Variants in PLA2R1 observed in about 807,000 individuals in gnomAD.
PLA2R1 encodes secretory phospholipase A2 receptor.
In PLA2R1, 158 loss-of-function variants were observed where a neutral mutation model predicts 195.9. That is an observed-to-expected ratio of 0.81 (90% CI 0.71 to 0.92). The LOEUF (loss-of-function observed/expected upper bound fraction) is 0.92, where lower values mean the gene tolerates loss of function less well. Among genes scored for constraint, PLA2R1 ranks in the 40% least tolerant of loss-of-function variants. The pLI is 0.00. For synonymous variants in PLA2R1, 586 were observed against 598.2 expected, an observed-to-expected ratio of 0.98 and a Z score of 0.30; for missense variants, 1,626 against 1,764.6, an observed-to-expected ratio of 0.92 and a Z score of 1.41.
rs1407074499 is a variant in PLA2R1 at position 160,020,186 on chromosome 2, C to G, written c.1372G>C (p.Val458Leu). The change falls in exon 8 of 30, where the codon GTC becomes CTC. Residue 458 changes from valine to leucine, a missense_variant. Coordinates refer to ENST00000283243, the MANE Select transcript of PLA2R1 (RefSeq NM_007366.5). ...AGTGTGTGCCAATTAGTAAAGATGACTGAAGAGTCATTAGACCATTCAAAG... is the reference window on the plus strand; with the variant it reads ...AGTGTGTGCCAATTAGTAAAGATGAGTGAAGAGTCATTAGACCATTCAAAG... ...VSFEWSNDSSVIFTNWHTLEP... is the reference protein window; with the variant it reads ...VSFEWSNDSSLIFTNWHTLEP... The G allele has an allele frequency of 1.2e-6, 2 of 1,612,066 alleles. No homozygotes were observed. Among genetic ancestry groups the G allele is most frequent in the Admixed American group, 1.7e-5 (1 of 60,012 alleles).
intron 11 of PLA2R1, among the ~76,000 whole-genome samples, chr2:159,991,353 T>A (rs1690775356): frequency 6.6e-6 from 1 of 152,142 alleles, no homozygotes; most frequent in African/African-American, 2.4e-5. Context: ...TGGTGGCTCA[T>A]TTCAGAGCTC....
intron 2 of PLA2R1, among the ~76,000 whole-genome samples, chr2:160,043,060 G>T (rs553427225): frequency 1.2e-3 from 182 of 148,056 alleles, no homozygotes; most frequent in Non-Finnish European, 2.1e-3. Context: ...AAGTGAGGGG[G>T]TGAATGAAGA....
At position 160,062,350 on chromosome 2, in the gene PLA2R1, G is replaced by A. The variant is rs1165540308; in HGVS notation, c.54C>T (p.Gly18=). ...LLLLLLGAPR[G]CAEGVAAALT... ...GCGCCGCCGCCACACCCTCGGCGCA[G>A]CCCCGCGGCGCCCCCAGCAGCAGCA... Residue 18 remains glycine (G), a synonymous_variant, in exon 1 of 30, where the codon GGC becomes GGT. Coordinates refer to ENST00000283243, the MANE Select transcript of PLA2R1 (RefSeq NM_007366.5). The A allele has an allele frequency of 6.5e-7, 1 of 1,536,344 alleles. No individual in the cohort carries two copies. The highest frequency in any genetic ancestry group is 8.8e-7 in the Non-Finnish European group (1 of 1,141,110).
At position 160,046,626 on chromosome 2, in the gene PLA2R1, C is replaced by T. The variant is rs1297997815; in HGVS notation, c.110-1469G>A. Among the ~76,000 whole-genome samples the T allele has an allele frequency of 5.3e-5, 8 of 152,042 alleles. No homozygotes were observed. The East Asian group carries it at 1.5e-3, about 29-fold the overall frequency. ...CAATGTATTAATAAATGGTATACCTCATCTAATAGTTGATGACCTTACCTA... is the reference window on the plus strand; with the variant it reads ...CAATGTATTAATAAATGGTATACCTTATCTAATAGTTGATGACCTTACCTA... On this transcript the variant is annotated intron_variant, in intron 1 of 29. Coordinates refer to ENST00000283243, the MANE Select transcript of PLA2R1 (RefSeq NM_007366.5).
chr2:160,008,893 T>A (rs184033792), intron 10 of PLA2R1, among the ~76,000 whole-genome samples: 1 of 152,284 alleles, frequency 6.6e-6, no homozygotes, highest in Non-Finnish European at 1.5e-5. Context: ...ACAAAGGACT[T>A]GAATAGACAT....
chr2:160,059,976 G>T (rs1020903805), intron 1 of PLA2R1, among the ~76,000 whole-genome samples: 7 of 152,128 alleles, frequency 4.6e-5, no homozygotes, highest in Admixed American at 2.0e-4. Flanking sequence ...ATTTGGGTGG[G>T]GGCATAGCCA....
intron 1 of PLA2R1, among the ~76,000 whole-genome samples, chr2:160,047,685 T>A (rs979195001): frequency 6.6e-6 from 1 of 152,216 alleles, no homozygotes; most frequent in African/African-American, 2.4e-5. Flanking sequence ...TACCCACCTG[T>A]AAAGTCTACA....
intron 11 of PLA2R1, among the ~76,000 whole-genome samples, chr2:159,987,781 T>C (rs1418019093): frequency 6.6e-6 from 1 of 152,154 alleles, no homozygotes; most frequent in Non-Finnish European, 1.5e-5. Flanking sequence ...GAATAACAGA[T>C]TCAAGGTAGA....
chr2:160,018,141 C>T (rs1692885632), intron 8 of PLA2R1, among the ~76,000 whole-genome samples: 1 of 152,036 alleles, frequency 6.6e-6, no homozygotes, highest in Non-Finnish European at 1.5e-5. Context: ...GAAAAGGGGC[C>T]ATAAAATATT....
At chr2:160,026,566 C>T (rs1019051553) in intron 6 of PLA2R1, among the ~76,000 whole-genome samples, 1 of 152,130 alleles carries the variant, frequency 6.6e-6, no homozygotes, top group African/African-American at 2.4e-5. Flanking sequence ...GATGCACATG[C>T]TTATTTTGGC....
chr2:159,970,752 G>T, intron 17 of PLA2R1, among the ~76,000 whole-genome samples: 1 of 152,174 alleles, frequency 6.6e-6, no homozygotes, highest in Non-Finnish European at 1.5e-5. Flanking sequence ...AGAGTGCCCA[G>T]TGTTTGACAA....
At chr2:159,929,705 T>C (rs552466764), downstream of PLA2R1, among the ~76,000 whole-genome samples, 3 of 152,280 alleles carry the variant, frequency 2.0e-5, no homozygotes, top group South Asian at 6.2e-4. Context: ...TGTACACGCA[T>C]GTTCATAGCA....
intron 1 of PLA2R1, among the ~76,000 whole-genome samples, chr2:160,058,748 T>C (rs1025465358): frequency 5.3e-5 from 8 of 151,770 alleles, no homozygotes; most frequent in Non-Finnish European, 1.0e-4. Flanking sequence ...AAAATCAGGC[T>C]CCTTGGAATA....
intron 1 of PLA2R1, among the ~76,000 whole-genome samples, chr2:160,052,682 G>T (rs1043848165): frequency 6.6e-6 from 1 of 151,598 alleles, no homozygotes; most frequent in Non-Finnish European, 1.5e-5. Flanking sequence ...ACAGAACACT[G>T]TTAAGATGCC....
chr2:159,975,316 T>C (rs554098163), intron 17 of PLA2R1, among the ~76,000 whole-genome samples: 1 of 152,326 alleles, frequency 6.6e-6, no homozygotes, highest in South Asian at 2.1e-4. Flanking sequence ...TCCCAGTGCC[T>C]GGCACATACT....
At position 160,028,378 on chromosome 2, in the gene PLA2R1, T is replaced by C. The variant is rs1187767480; in HGVS notation, c.956-17A>G. On this transcript the variant is annotated splice_polypyrimidine_tract_variant and intron_variant, in intron 5 of 29. Transcript: ENST00000283243. ...AATTTACCTCTGAAAATACAATGAG[T>C]GTCTTTAATATTAGAAGCAAAAGCA... The C allele has an allele frequency of 6.3e-7, 1 of 1,582,916 alleles. No individual in the cohort carries two copies. The highest frequency in any genetic ancestry group is 8.7e-7 in the Non-Finnish European group (1 of 1,155,116).
chr2:160,041,608 G>A (rs1045966318), intron 3 of PLA2R1, among the ~76,000 whole-genome samples: 3 of 150,040 alleles, frequency 2.0e-5, no homozygotes, highest in African/African-American at 7.3e-5. Context: ...GACAATGGGC[G>A]AGACAAGCAG....
chr2:160,033,172 T>TAAGCAAC, intron 3 of PLA2R1, 40 bp from the exon 4 acceptor site: 1 of 1,484,836 alleles, frequency 6.7e-7, no homozygotes. Context: ...GGTCTTATTT[T>TAAGCAAC]ATCTATACAG....
intron 28 of PLA2R1, among the ~76,000 whole-genome samples, chr2:159,942,930 C>T (rs1302009054): frequency 6.6e-6 from 1 of 151,688 alleles, no homozygotes; most frequent in African/African-American, 2.4e-5. Flanking sequence ...AATCACAACA[C>T]TGTTACTAAT....
Sources: gnomAD v4.1 joint callset for allele counts (sites outside exome capture counted in the v4.1 genomes callset) on GRCh38, gnomAD v4.1.1 for gene constraint, MANE v1.5 for transcripts, NCBI Gene and HGNC (gene_info 2026-07-23, HGNC 2026-07-21) for gene names.